ADGRF1: variants seen among roughly 807,000 people sequenced by gnomAD.
ADGRF1 encodes G protein-coupled receptor 110.
In ADGRF1, 85 loss-of-function variants were observed where a neutral mutation model predicts 87.2. The observed-to-expected ratio is 0.97, with a 90% CI of 0.82 to 1.17. The LOEUF (loss-of-function observed/expected upper bound fraction) is 1.17, where lower values mean the gene tolerates loss of function less well. Ranked by LOEUF, ADGRF1 falls within the 50% of genes most tolerant of loss-of-function variation. The pLI is 0.00. For synonymous variants in ADGRF1, 430 were observed against 408.8 expected, an observed-to-expected ratio of 1.05 and a Z score of -0.63; for missense variants, 1,169 against 1,077.2, an observed-to-expected ratio of 1.09 and a Z score of -1.19.
At chr6:47,033,393 G>A (rs1780492586) in intron 1 of ADGRF1, among the ~76,000 whole-genome samples, 1 of 152,138 alleles carries the variant, frequency 6.6e-6, no homozygotes, top group African/African-American at 2.4e-5. Flanking sequence ...ATTTATTTAT[G>A]CCAACAGCTG....
intron 9 of ADGRF1, 40 bp from the exon 10 acceptor site, chr6:47,012,235 T>A (rs1317856613): frequency 1.3e-6 from 2 of 1,593,942 alleles, no homozygotes; most frequent in Non-Finnish European, 1.7e-6. Context: ...AACAATGACA[T>A]GCTGTGTTTC....
rs867329890 is a variant in ADGRF1, at chr6:47,015,548, G to A, written c.764-704C>T. On this transcript the variant is annotated intron_variant, in intron 8 of 14. Coordinates refer to ENST00000371253, the MANE Select transcript of ADGRF1 (RefSeq NM_153840.4). ...GCCTCAGCCTCCCTAGTACCTGGGA[G>A]TACAGGTGCACACCACGATGCCTGG... Among the ~76,000 whole-genome samples the A allele has an allele frequency of 2.6e-5, 4 of 151,428 alleles. No individual in the cohort carries two copies. The South Asian group carries it at 8.4e-4, about 32-fold the overall frequency.
intron 13 of ADGRF1, among the ~76,000 whole-genome samples, chr6:47,003,477 G>C (rs954945843): frequency 1.3e-5 from 2 of 152,104 alleles, no homozygotes; most frequent in Non-Finnish European, 2.9e-5. Context: ...CCTTTAAAAG[G>C]TCTGAATAGA....
intron 1 of ADGRF1, among the ~76,000 whole-genome samples, chr6:47,033,137 C>T (rs1307484095): frequency 6.6e-6 from 1 of 152,198 alleles, no homozygotes; most frequent in Non-Finnish European, 1.5e-5. Flanking sequence ...GTTTCCATCA[C>T]ACCTTGTGCT....
At chr6:47,007,158 C>T in intron 12 of ADGRF1, 95 bp downstream of exon 12, 3 of 670,218 alleles carry the variant, frequency 4.5e-6, no homozygotes, top group Non-Finnish European at 7.6e-6. Context: ...ACCAATAGTC[C>T]CACCTCTTAT....
At position 47,009,243 on chromosome 6, in the gene ADGRF1, T is replaced by G; in HGVS notation, c.2192A>C (p.Asp731Ala). The G allele has an allele frequency of 6.2e-7, 1 of 1,614,136 alleles. No individual in the cohort carries two copies. The highest frequency in any genetic ancestry group is 8.5e-7 in the Non-Finnish European group (1 of 1,180,012). Residue 731 changes from aspartate (D) to alanine (A), a missense_variant, in exon 11 of 15, where the codon GAT becomes GCT. Transcript: ENST00000371253. ...ATTGGACCAGTTAAGCCAACACACA[T>G]CTTTCCTTTTGTAGGTATTGCTAGG... ...TQPSNTYKRK[D>A]VCWLNWSNGS...
chr6:47,008,829 G>T, intron 11 of ADGRF1, 116 bp downstream of exon 11: 1 of 848,352 alleles, frequency 1.2e-6, no homozygotes, highest in Non-Finnish European at 1.8e-6. Context: ...CAGTTTTTCT[G>T]ATGGTCTTGC....
intron 7 of ADGRF1, chr6:47,018,388 G>A: frequency 7.9e-7 from 1 of 1,271,830 alleles, no homozygotes. Flanking sequence ...TTGATCGGAA[G>A]TTCCGCAGCT....
intron 1 of ADGRF1, among the ~76,000 whole-genome samples, chr6:47,040,707 C>T (rs963327561): frequency 6.6e-6 from 1 of 152,102 alleles, no homozygotes; most frequent in Non-Finnish European, 1.5e-5. Flanking sequence ...CCCTCTTGCT[C>T]CTGCCAGTTT....
intron 5 of ADGRF1, among the ~76,000 whole-genome samples, 168 bp downstream of exon 5, chr6:47,023,876 C>G (rs1352987876): frequency 6.6e-6 from 1 of 152,202 alleles, no homozygotes; most frequent in Non-Finnish European, 1.5e-5. Context: ...ATCTTCTGTA[C>G]TATGAAAGTT....
chr6:47,001,422 G>A, intron 14 of ADGRF1, 79 bp downstream of exon 14: 1 of 1,130,248 alleles, frequency 8.8e-7, no homozygotes, highest in Non-Finnish European at 1.3e-6. Flanking sequence ...CTTACATGTT[G>A]CCATTGAATT....
At chr6:47,023,366 G>A (rs1451279018) in intron 5 of ADGRF1, among the ~76,000 whole-genome samples, 2 of 152,164 alleles carry the variant, frequency 1.3e-5, no homozygotes, top group Non-Finnish European at 2.9e-5. Context: ...GGCTATTTCA[G>A]GCTCACTCTT....
chr6:47,009,691 A>G lies in ADGRF1; in HGVS notation c.1744T>C (p.Phe582Leu). Residue 582 changes from phenylalanine to leucine, a missense_variant, in exon 11 of 15, where the codon TTC (phenylalanine) becomes CTC (leucine). Phe to Leu is a conservative substitution (Grantham distance 22). Transcript: ENST00000371253. The stretch of plus-strand genomic sequence containing the variant: ...TAGGTGATCCATTTTACAACGGGGA[A>G]GATTGTAGAGGGGACAAAAGGTGAC... ...LMSPFVPSTI[F>L]PVVKWITYVG... is the part of the protein sequence containing the mutation. 1.2e-6 allele frequency: 2 copies of G among 1,614,194 alleles called. No individual in the cohort carries two copies. Among genetic ancestry groups the G allele is most frequent in the Non-Finnish European group, 1.7e-6 (2 of 1,180,028 alleles).
intron 13 of ADGRF1, among the ~76,000 whole-genome samples, chr6:47,005,412 C>T (rs1372048733): frequency 6.6e-6 from 1 of 152,002 alleles, no homozygotes; most frequent in Admixed American, 6.6e-5. Context: ...AGAATTTAAC[C>T]AAGATCTCTC....
At chr6:47,011,848 C>T (rs898846728) in intron 10 of ADGRF1, among the ~76,000 whole-genome samples, 159 bp downstream of exon 10, 6 of 152,162 alleles carry the variant, frequency 3.9e-5, no homozygotes, top group African/African-American at 1.2e-4. Flanking sequence ...CTATTGATCC[C>T]GAGTTCCTTG....
At chr6:47,020,490 G>A (rs1244342414) in intron 7 of ADGRF1, 15 of 1,464,846 alleles carry the variant, frequency 1.0e-5, no homozygotes, top group Non-Finnish European at 1.4e-5. Flanking sequence ...GGCGACAAGA[G>A]TGACATTCTG....
chr6:47,033,568 C>A (rs748112122), intron 1 of ADGRF1, among the ~76,000 whole-genome samples: 10 of 152,284 alleles, frequency 6.6e-5, no homozygotes, highest in African/African-American at 7.2e-5. Flanking sequence ...CCCAGTAGAG[C>A]TGTCTCTTTC....
chr6:47,019,732 G>A, intron 7 of ADGRF1: 2 of 975,358 alleles, frequency 2.1e-6, no homozygotes, highest in Non-Finnish European at 2.4e-6. Flanking sequence ...TGTCCTATGG[G>A]TGTTTTTAAG....
intron 5 of ADGRF1, among the ~76,000 whole-genome samples, chr6:47,023,533 T>C (rs753556022): frequency 1.3e-5 from 2 of 152,218 alleles, no homozygotes; most frequent in African/African-American, 4.8e-5. Context: ...TCAGCTTCCA[T>C]TGGTTTCCTA....
Sources: gnomAD v4.1 joint callset for allele counts (sites outside exome capture counted in the v4.1 genomes callset) on GRCh38, gnomAD v4.1.1 for gene constraint, MANE v1.5 for transcripts, NCBI Gene and HGNC (gene_info 2026-07-23, HGNC 2026-07-21) for gene names.